ZNF254: variants seen among roughly 807,000 people sequenced by gnomAD.
The protein encoded by ZNF254 is zinc finger protein 254.
A neutral mutation model predicts 12.4 loss-of-function variants in ZNF254; 10 were observed. The ratio of observed to expected loss-of-function variants is 0.80; its 90% CI spans 0.50 to 1.36. The LOEUF (loss-of-function observed/expected upper bound fraction) is 1.36, where lower values mean the gene tolerates loss of function less well. Among genes scored for constraint, ZNF254 ranks in the 40% most tolerant of loss-of-function variants. ZNF254 has a pLI of 0.00. For missense variants in ZNF254, 996 were observed against 763.9 expected, an observed-to-expected ratio of 1.30 and a Z score of -3.58; for synonymous variants, 305 against 253.4, an observed-to-expected ratio of 1.20 and a Z score of -1.93.
chr19:24,074,869 C>T (rs1374062384), intron 2 of ZNF254, among the ~76,000 whole-genome samples: 3 of 152,144 alleles, frequency 2.0e-5, no homozygotes, highest in Non-Finnish European at 4.4e-5. Flanking sequence ...CTGAGCCTCT[C>T]ACTTAGATGA....
rs1278293643 is a variant in ZNF254 at position 24,062,086 on chromosome 19, AC to A, written c.-94+15808del. On this transcript the variant is annotated intron_variant, in intron 2 of 4. Transcript: ENST00000613065. Reference sequence around the variant, plus strand: ...GGCAACAAGAGTGAAACTCTGTCTCACAAAAAAAAAAAAAAAGAAAAAGAAA... The same window carrying A: ...GGCAACAAGAGTGAAACTCTGTCTCAAAAAAAAAAAAAAAAGAAAAAGAAA... Among the ~76,000 whole-genome samples the A allele has an allele frequency of 3.3e-3, 317 of 96,646 alleles. 1 individual carries two copies. Among genetic ancestry groups the A allele is most frequent in the African/African-American group, 0.012 (296 of 24,372 alleles). The allele number at this position is 96,646 out of a possible 152,430, so 63.4% of individuals were successfully genotyped here. A position where few individuals can be genotyped will look rare whatever the true frequency, so the allele number is the denominator to read the frequency against.
chr19:24,094,740 G>A (rs931277848), intron 1 of ZNF254, among the ~76,000 whole-genome samples: 57 of 152,066 alleles, frequency 3.7e-4, no homozygotes, highest in African/African-American at 1.3e-3. Context: ...AGGCTGGAGT[G>A]CAGTGGCACA....
At chr19:24,113,037 C>T (rs991766662) in intron 3 of ZNF254, among the ~76,000 whole-genome samples, 5 of 152,118 alleles carry the variant, frequency 3.3e-5, no homozygotes, top group African/African-American at 1.2e-4. Context: ...TGGCAATAAT[C>T]AAGAGCTTAC....
intron 1 of ZNF254, among the ~76,000 whole-genome samples, chr19:24,094,337 C>T (rs749946693): frequency 3.3e-5 from 5 of 151,858 alleles, no homozygotes; most frequent in Non-Finnish European, 7.4e-5. Context: ...CTTGGCTCAC[C>T]GCAAACTCCA....
intron 1 of ZNF254, among the ~76,000 whole-genome samples, chr19:24,101,965 C>T (rs997145102): frequency 6.6e-6 from 1 of 152,178 alleles, no homozygotes; most frequent in Non-Finnish European, 1.5e-5. Flanking sequence ...TGGGTAAAAA[C>T]AAGGAGGAGG....
At chr19:24,103,707 TA>T (rs1973163940) in intron 1 of ZNF254, 1 of 152,164 alleles carries the variant, frequency 6.6e-6, no homozygotes, top group Non-Finnish European at 1.5e-5. Flanking sequence ...GTGTGGCCAA[TA>T]TTTCTTTCCT....
chr19:24,081,404 T>C (rs1246961118), intron 2 of ZNF254, among the ~76,000 whole-genome samples: 1 of 152,160 alleles, frequency 6.6e-6, no homozygotes, highest in Non-Finnish European at 1.5e-5. Flanking sequence ...CACCAGTGGA[T>C]GACAGGGGAC....
chr19:24,078,063 A>C (rs144111132), intron 2 of ZNF254, among the ~76,000 whole-genome samples: 1 of 152,142 alleles, frequency 6.6e-6, no homozygotes, highest in Admixed American at 6.6e-5. Flanking sequence ...TTTTGAGACG[A>C]AGTCTCACTC....
chr19:24,042,531 G>A lies in ZNF254; in HGVS notation c.-189-3653G>A, dbSNP rs28782833. Among the ~76,000 whole-genome samples, 810 of 152,168 alleles carry A rather than the reference G, an allele frequency of 5.3e-3. 7 individuals are homozygous for A. Among genetic ancestry groups the A allele is most frequent in the African/African-American group, 0.019 (783 of 41,502 alleles). On this transcript the variant is annotated intron_variant, in intron 1 of 4. Transcript: ENST00000613065. Reference sequence around the variant, plus strand: ...GAAGATCTGCAGCTTCACTCCTGAAGCCAGCGACACCACGAGCCCACCAGA... The same window carrying A: ...GAAGATCTGCAGCTTCACTCCTGAAACCAGCGACACCACGAGCCCACCAGA...
Position 24,126,394 on chromosome 19 carries a change from T to G in ZNF254, c.394T>G (p.Tyr132Asp). 1 of 1,608,744 alleles carries G rather than the reference T, an allele frequency of 6.2e-7. No homozygotes were observed. The highest frequency in any genetic ancestry group is 8.5e-7 in the Non-Finnish European group (1 of 1,178,546). Residue 132 changes from tyrosine to aspartate, a missense_variant, in exon 4 of 4, where the codon TAT becomes GAT. Coordinates refer to ENST00000357002, the MANE Select transcript of ZNF254 (RefSeq NM_203282.4). The part of the protein sequence containing the change: ...LRKGCKSVDE[Y>D]KVNKEGYNGL... ...AAAAGGCTGTAAAAGTGTGGATGAG[T>G]ATAAGGTGAACAAAGAAGGTTATAA...
intron 3 of ZNF254, among the ~76,000 whole-genome samples, chr19:24,116,183 C>G (rs768486461): frequency 7.9e-5 from 12 of 151,166 alleles, no homozygotes; most frequent in Non-Finnish European, 1.3e-4. Context: ...CTTGGAGTTG[C>G]TCTTCTCGAG....
chr19:24,069,718 C>T (rs768476437), intron 2 of ZNF254, among the ~76,000 whole-genome samples: 6 of 151,902 alleles, frequency 3.9e-5, no homozygotes, highest in East Asian at 3.9e-4. Context: ...TTTGGGAGGC[C>T]GAGGTGGGCG....
At position 24,127,345 on chromosome 19, in the gene ZNF254, C is replaced by T. The variant is rs1482661635; in HGVS notation, c.1345C>T (p.Leu449Phe). 6.2e-6 allele frequency: 10 copies of T among 1,613,542 alleles called. No individual in the cohort carries two copies. The Admixed American group carries it at 1.7e-4, about 27-fold the overall frequency. The stretch of plus-strand genomic sequence containing the variant: ...CAAAGCATTTATCTGGTCCTCAACC[C>T]TTACTAAACATAAGAGAATTCATAC... The part of the protein sequence containing the change: ...CGKAFIWSST[L>F]TKHKRIHTRE... The change falls in exon 4 of 4, where the codon CTT becomes TTT. Residue 449 changes from leucine (L) to phenylalanine (F), a missense_variant. Leu to Phe is a conservative substitution (Grantham distance 22, BLOSUM62 0). Coordinates refer to ENST00000357002, the MANE Select transcript of ZNF254 (RefSeq NM_203282.4).
At chr19:24,107,739 G>A (rs576258138) in intron 3 of ZNF254, among the ~76,000 whole-genome samples, 28 of 152,218 alleles carry the variant, frequency 1.8e-4, no homozygotes, top group African/African-American at 6.5e-4. Flanking sequence ...TTTTGCATTA[G>A]TGTCTGTAAA....
rs774297917 is a variant in ZNF254 at position 24,126,338 on chromosome 19, G to A, written c.338G>A (p.Gly113Glu). ...CAAAAAGCAATACTGAGAAGATATG[G>A]AAAATATGGACATGAGAATTTACAG... The part of the protein sequence containing the change: ...SFQKAILRRY[G>E]KYGHENLQLR... Residue 113 changes from glycine (G) to glutamate (E), a missense_variant, in exon 4 of 4, where the codon GGA (glycine) becomes GAA (glutamate). Physicochemically the swap from Gly to Glu is moderately conservative, Grantham distance 98 (BLOSUM62 -2). Transcript: ENST00000357002. The A allele has an allele frequency of 1.9e-6, 3 of 1,608,150 alleles. No individual in the cohort carries two copies. The highest frequency in any genetic ancestry group is 2.5e-6 in the Non-Finnish European group (3 of 1,177,452).
At chr19:24,111,179 A>C (rs1043954765) in intron 3 of ZNF254, among the ~76,000 whole-genome samples, 2 of 135,086 alleles carry the variant, frequency 1.5e-5, no homozygotes, top group African/African-American at 5.6e-5. Flanking sequence ...TTCAATTCCC[A>C]CCTATGAGTG....
In ZNF254 at chr19:24,127,904, T is replaced by A; in HGVS notation, c.1904T>A (p.Phe635Tyr). 6.2e-7 allele frequency: 1 copy of A among 1,611,784 alleles called. No homozygotes were observed. The highest frequency in any genetic ancestry group is 8.5e-7 in the Non-Finnish European group (1 of 1,179,126). ...TGEQPYKWEKFGKAFNRSSHL... is the reference protein window; with the variant it reads ...TGEQPYKWEKYGKAFNRSSHL... ...GAGCAACCCTACAAATGGGAAAAAT[T>A]TGGCAAAGCCTTTAATCGGTCCTCG... The change falls in exon 4 of 4, where the codon TTT (phenylalanine) becomes TAT (tyrosine). Residue 635 changes from phenylalanine (F) to tyrosine (Y), a missense_variant. Transcript: ENST00000357002.
intron 3 of ZNF254, among the ~76,000 whole-genome samples, chr19:24,124,114 CTTATT>C (rs1236678946): frequency 1.3e-5 from 2 of 151,722 alleles, no homozygotes; most frequent in African/African-American, 4.8e-5. Context: ...TAGGCTTTGA[CTTATT>C]TTGTTTTGTG....
intron 1 of ZNF254, among the ~76,000 whole-genome samples, chr19:24,041,776 C>G (rs986158973): frequency 6.6e-6 from 1 of 152,246 alleles, no homozygotes; most frequent in African/African-American, 2.4e-5. Context: ...CAGCTGGGCT[C>G]CTGAGTCTGG....
Sources: allele counts gnomAD v4.1 joint callset (sites outside exome capture counted in the v4.1 genomes callset), GRCh38; gene constraint gnomAD v4.1.1; transcripts MANE v1.5; gene names NCBI Gene and HGNC (gene_info 2026-07-23, HGNC 2026-07-21).